PLCB1: variants seen among roughly 807,000 people sequenced by gnomAD.
The protein encoded by PLCB1 is phospholipase C beta 1, also known as 1-phosphatidylinositol 4,5-bisphosphate phosphodiesterase beta-1.
Under a neutral mutation model 161.8 loss-of-function variants are expected in PLCB1, and 46 were observed. The ratio of observed to expected loss-of-function variants is 0.28; its 90% CI spans 0.22 to 0.36. PLCB1 has a LOEUF of 0.36. Ranked by LOEUF, PLCB1 falls within the 10% of genes least tolerant of loss-of-function variation. The probability of loss-of-function intolerance (pLI) is 1.00; values close to 1 mark genes in which losing one functional copy is unlikely to be tolerated. For synonymous variants in PLCB1, 517 were observed against 503.7 expected (o/e 1.03, Z -0.35); for missense variants, 1,016 against 1,472.5 (o/e 0.69, Z 5.07).
chr20:8,443,711 C>A (rs572939529), intron 3 of PLCB1, among the ~76,000 whole-genome samples: 1 of 152,282 alleles, frequency 6.6e-6, no homozygotes, highest in South Asian at 2.1e-4. Flanking sequence ...TTGGTTATTC[C>A]CTATTCCCTT....
chr20:8,377,118 G>A (rs1568653096), intron 3 of PLCB1, among the ~76,000 whole-genome samples: 1 of 152,090 alleles, frequency 6.6e-6, no homozygotes, highest in Admixed American at 6.5e-5. Context: ...TCATGGGGTA[G>A]GGGAAACAGA....
intron 2 of PLCB1, among the ~76,000 whole-genome samples, chr20:8,280,541 C>T (rs1982826767): frequency 6.6e-6 from 1 of 151,948 alleles, no homozygotes; most frequent in South Asian, 2.1e-4. Context: ...GATCAAATGA[C>T]TGCAAGAAAT....
At chr20:8,424,410 C>CT (rs1028390494) in intron 3 of PLCB1, among the ~76,000 whole-genome samples, 17 of 152,050 alleles carry the variant, frequency 1.1e-4, no homozygotes, top group Admixed American at 3.9e-4. Flanking sequence ...GACTAAATTA[C>CT]TTTTTTTTAT....
intron 2 of PLCB1, among the ~76,000 whole-genome samples, chr20:8,322,051 G>C (rs1354351404): frequency 6.6e-6 from 1 of 152,104 alleles, no homozygotes; most frequent in Non-Finnish European, 1.5e-5. Flanking sequence ...GTTTTAGTAG[G>C]GGCGGATCTG....
intron 4 of PLCB1, among the ~76,000 whole-genome samples, chr20:8,643,163 A>G (rs547245252): frequency 6.6e-6 from 1 of 152,284 alleles, no homozygotes; most frequent in South Asian, 2.1e-4. Context: ...CACCTGGACT[A>G]CTGGACTATT....
intron 2 of PLCB1, among the ~76,000 whole-genome samples, chr20:8,204,721 C>T (rs1427090481): frequency 6.6e-6 from 1 of 152,208 alleles, no homozygotes; most frequent in Admixed American, 6.5e-5. Context: ...AATTAAGCCT[C>T]TTTTCTTTAT....
chr20:8,213,837 A>C (rs577864238), intron 2 of PLCB1, among the ~76,000 whole-genome samples: 13 of 152,088 alleles, frequency 8.5e-5, no homozygotes, highest in Admixed American at 6.6e-4. Context: ...TAAGCATGTA[A>C]GCAGATTGTT....
chr20:8,300,537 G>GT (rs759484138), intron 2 of PLCB1, among the ~76,000 whole-genome samples: 113 of 150,838 alleles, frequency 7.5e-4, no homozygotes, highest in Admixed American at 2.3e-3. Context: ...GTTTGGAAGT[G>GT]GTTTTTTTTT....
intron 2 of PLCB1, chr20:8,371,098 G>T (rs1227970231): frequency 2.9e-6 from 1 of 349,846 alleles, no homozygotes; most frequent in Non-Finnish European, 5.2e-6. Context: ...GTAAGAACAA[G>T]AAGACCTGAT....
At chr20:8,826,355 C>T (rs189193483) in intron 31 of PLCB1, among the ~76,000 whole-genome samples, 13 of 151,972 alleles carry the variant, frequency 8.6e-5, no homozygotes, top group Admixed American at 3.3e-4. Context: ...ATTAGGTGGG[C>T]GTGGTGGCAG....
At chr20:8,321,801 A>T (rs1984932529) in intron 2 of PLCB1, among the ~76,000 whole-genome samples, 1 of 152,110 alleles carries the variant, frequency 6.6e-6, no homozygotes, top group South Asian at 2.1e-4. Context: ...GTTCTGGAGG[A>T]CTTTGGTCAT....
chr20:8,263,258 G>A (rs1981795863), intron 2 of PLCB1, among the ~76,000 whole-genome samples: 1 of 152,138 alleles, frequency 6.6e-6, no homozygotes, highest in South Asian at 2.1e-4. Flanking sequence ...AAACTCTGGA[G>A]TAGTTAAGAA....
intron 11 of PLCB1, among the ~76,000 whole-genome samples, chr20:8,701,444 G>A (rs1027739787): frequency 6.6e-6 from 1 of 152,000 alleles, no homozygotes; most frequent in East Asian, 1.9e-4. Context: ...TCTCAGTGAG[G>A]CCTCCTGGGA....
At chr20:8,846,447 C>A (rs1249335065) in intron 31 of PLCB1, among the ~76,000 whole-genome samples, 1 of 152,112 alleles carries the variant, frequency 6.6e-6, no homozygotes, top group East Asian at 1.9e-4. Context: ...GATCCTCAAA[C>A]TTTAATATGC....
chr20:8,268,212 C>T (rs1183280797), intron 2 of PLCB1, among the ~76,000 whole-genome samples: 11 of 151,762 alleles, frequency 7.2e-5, no homozygotes, highest in South Asian at 6.2e-4. Context: ...TGAGAACATG[C>T]GGTGTTTGGT....
At chr20:8,498,637 A>G (rs938260483) in intron 3 of PLCB1, among the ~76,000 whole-genome samples, 6 of 152,206 alleles carry the variant, frequency 3.9e-5, no homozygotes, top group African/African-American at 1.2e-4. Context: ...ATGTGATGCC[A>G]TAATAGTGAC....
chr20:8,675,666 T>C (rs1990057405), intron 9 of PLCB1, among the ~76,000 whole-genome samples: 1 of 152,170 alleles, frequency 6.6e-6, no homozygotes, highest in Admixed American at 6.5e-5. Flanking sequence ...ATTGAACATA[T>C]TCAACTAACT....
chr20:8,260,606 G>C (rs1981640651), intron 2 of PLCB1, among the ~76,000 whole-genome samples: 1 of 152,060 alleles, frequency 6.6e-6, no homozygotes, highest in African/African-American at 2.4e-5. Flanking sequence ...CCAAGGTGCT[G>C]TTATAAGAGG....
In PLCB1 at chr20:8,458,422, C is replaced by A. The variant is rs528973803; in HGVS notation, c.246+86972C>A. Among the ~76,000 whole-genome samples, 30 of 152,210 alleles carry A rather than the reference C, an allele frequency of 2.0e-4. 1 individual carries two copies. The highest frequency in any genetic ancestry group is 1.8e-3 in the Admixed American group (27 of 15,280). ...CCTCATCCATCTTAATCATAAAATT[C>A]TAATGTCCTAGGTTCTTTATCTTTC... On this transcript the variant is annotated intron_variant, in intron 3 of 31. Coordinates refer to ENST00000338037, the MANE Select transcript of PLCB1 (RefSeq NM_015192.4).
Sources: gnomAD v4.1 joint callset for allele counts (sites outside exome capture counted in the v4.1 genomes callset) on GRCh38, gnomAD v4.1.1 for gene constraint, MANE v1.5 for transcripts, NCBI Gene and HGNC (gene_info 2026-07-23, HGNC 2026-07-21) for gene names.